The following CTSV variants were observed in gnomAD, a reference collection of about 807,000 sequenced individuals.
The protein encoded by CTSV is cathepsin V, also known as cathepsin L2.
CTSV carries 33 observed loss-of-function variants against 35.6 expected under a neutral mutation model. The ratio of observed to expected loss-of-function variants is 0.93; its 90% CI spans 0.70 to 1.24. The LOEUF is 1.24. CTSV is among the 50% of genes most tolerant of loss of function. The probability of loss-of-function intolerance (pLI) is 0.00; values close to 1 mark genes in which losing one functional copy is unlikely to be tolerated. For synonymous variants in CTSV, 154 were observed against 147.1 expected (o/e 1.05, Z -0.34); for missense variants, 408 against 413.1 (o/e 0.99, Z 0.11).
rs1404926849 is a variant in CTSV, at chr9:97,037,536, C to T, written c.206G>A (p.Gly69Glu). 1.9e-6 allele frequency: 3 copies of T among 1,614,142 alleles called. No homozygotes were observed. Among genetic ancestry groups the T allele is most frequent in the African/African-American group, 1.3e-5 (1 of 75,028 alleles). The change falls in exon 3 of 8, where the codon GGG (glycine) becomes GAG (glutamate). Residue 69 changes from glycine (G) to glutamate (E), a missense_variant. Transcript: ENST00000259470. ...CATGGCCATTGTGAAGCCATGTTTCCCTTGGCTGTATTCCCCATTGTGCAG... is the reference window on the plus strand; with the variant it reads ...CATGGCCATTGTGAAGCCATGTTTCTCTTGGCTGTATTCCCCATTGTGCAG... ...IELHNGEYSQ[G>E]KHGFTMAMNA... is the part of the protein sequence containing the mutation.
rs1240577699 is a variant in CTSV at position 97,030,899 on chromosome 9, A to C, written c.*2050T>G. The C allele has an allele frequency of 6.6e-6, 1 of 152,174 alleles. No individual in the cohort carries two copies. Among genetic ancestry groups the C allele is most frequent in the Non-Finnish European group, 1.5e-5 (1 of 68,040 alleles). 9.4% of individuals were successfully genotyped at this position (152,174 alleles called of 1,614,324 possible). A position where few individuals can be genotyped will look rare whatever the true frequency, so the allele number is the denominator to read the frequency against. Reference sequence around the variant, plus strand: ...CCAGATTTGGGGGCATATCCCCAGCAAATATTGGTTAAGTCTGTGCTTCAG... The same window carrying C: ...CCAGATTTGGGGGCATATCCCCAGCCAATATTGGTTAAGTCTGTGCTTCAG... On this transcript the variant is annotated 3_prime_UTR_variant, in exon 8 of 8. Coordinates refer to ENST00000259470, the MANE Select transcript of CTSV (RefSeq NM_001333.4).
chr9:97,036,504 G>GA lies in CTSV; in HGVS notation c.621+18dup. On this transcript the variant is annotated intron_variant, in intron 5 of 7. Transcript: ENST00000259470. ...TCCAAAAGCAGAGCACGAATGACAA[G>GA]ATAAGGAGCTCCATTTACCACTGCT... is the stretch of plus-strand genomic sequence containing the variant. 2 of 1,565,698 alleles carry GA rather than the reference G, an allele frequency of 1.3e-6. No individual in the cohort carries two copies. Among genetic ancestry groups the GA allele is most frequent in the Non-Finnish European group, 1.8e-6 (2 of 1,135,898 alleles).
chr9:97,038,573 C>A (rs1164443406), intron 1 of CTSV: 3 of 153,584 alleles, frequency 2.0e-5, no homozygotes, highest in Non-Finnish European at 2.9e-5. Flanking sequence ...ACCCACTATT[C>A]CCGCCGTCCC....
In CTSV at chr9:97,029,953, C is replaced by G. The variant is rs1828712690; in HGVS notation, c.*2996G>C. The G allele has an allele frequency of 6.6e-6, 1 of 152,228 alleles. No individual in the cohort carries two copies. The highest frequency in any genetic ancestry group is 6.5e-5 in the Admixed American group (1 of 15,290). 9.4% of individuals were successfully genotyped at this position (152,228 alleles called of 1,614,324 possible). A position where few individuals can be genotyped will look rare whatever the true frequency, so the allele number is the denominator to read the frequency against. On this transcript the variant is annotated 3_prime_UTR_variant, in exon 8 of 8. Transcript: ENST00000259470. ...GCACAGGTGCGTAGCTTAGGAGCAA[C>G]AGGCTGTACCATATAGCCTAGGTGT...
chr9:97,032,693 A>G lies in CTSV; in HGVS notation c.*256T>C, dbSNP rs1828774320. 2.8e-6 allele frequency: 1 copy of G among 361,066 alleles called. No individual in the cohort carries two copies. Among genetic ancestry groups the G allele is most frequent in the East Asian group, 4.3e-5 (1 of 23,372 alleles). The allele number at this position is 361,066 out of a possible 1,614,324, so 22.4% of individuals were successfully genotyped here. A position where few individuals can be genotyped will look rare whatever the true frequency, so the allele number is the denominator to read the frequency against. ...TAAAATTTATTTCAAACTGTTTTGT[A>G]CATCTTTTTAAAAAATGAAAATTCA... On this transcript the variant is annotated 3_prime_UTR_variant, in exon 8 of 8. Transcript: ENST00000259470.
chr9:97,033,879 T>C (rs1828800995), intron 7 of CTSV, among the ~76,000 whole-genome samples: 4 of 151,942 alleles, frequency 2.6e-5, no homozygotes, highest in African/African-American at 9.7e-5. Context: ...GCGGATCACA[T>C]GAGGTCAGTT....
At chr9:97,039,564 G>A (rs1828921348), upstream of CTSV, 1 of 152,208 alleles carries the variant, frequency 6.6e-6, no homozygotes, top group African/African-American at 2.4e-5. Context: ...CGGCAAAGGT[G>A]GGACGGAGTG....
rs1828817881 is a variant in CTSV, at chr9:97,034,796, C to T, written c.835G>A (p.Val279Ile). The change falls in exon 7 of 8, where the codon GTT (valine) becomes ATT (isoleucine). Residue 279 changes from valine to isoleucine, a missense_variant. Transcript: ENST00000259470. Reference sequence around the variant, plus strand: ...TCAAAGCCGTAGCCAACCACCAGAACACCATGATCCAGGTTTTTGCTGCTG... The same window carrying T: ...TCAAAGCCGTAGCCAACCACCAGAATACCATGATCCAGGTTTTTGCTGCTG... ...DCSSKNLDHGVLVVGYGFEGA... is the reference protein window; with the variant it reads ...DCSSKNLDHGILVVGYGFEGA... 2 of 1,614,016 alleles carry T rather than the reference C, an allele frequency of 1.2e-6. No individual in the cohort carries two copies. The highest frequency in any genetic ancestry group is 2.2e-5 in the South Asian group (2 of 91,088).
intron 1 of CTSV, chr9:97,038,452 T>TCAC (rs1828895586): frequency 6.1e-6 from 1 of 165,016 alleles, no homozygotes. Flanking sequence ...GAACACCACC[T>TCAC]CACACCTTCT....
In CTSV at chr9:97,036,672, G is replaced by A. The variant is rs757948504; in HGVS notation, c.472C>T (p.Leu158Phe). 12 of 1,613,838 alleles carry A rather than the reference G, an allele frequency of 7.4e-6. No homozygotes were observed. The highest frequency in any genetic ancestry group is 1.6e-4 in the Middle Eastern group (1 of 6,062). The change falls in exon 5 of 8, where the codon CTT becomes TTT. Residue 158 changes from leucine to phenylalanine, a missense_variant. Leu to Phe is a conservative substitution (Grantham distance 22, BLOSUM62 0). Coordinates refer to ENST00000259470, the MANE Select transcript of CTSV (RefSeq NM_001333.4). ...AGATTCTGCTCGCTCAGTGAGACAA[G>A]TTTCCCAGTTTTCCGGAACATCTGT... ...EGQMFRKTGK[L>F]VSLSEQNLVD...
Position 97,033,064 on chromosome 9 carries a change from G to A in CTSV, c.906-16C>T. 1 of 1,580,616 alleles carries A rather than the reference G, an allele frequency of 6.3e-7. No homozygotes were observed. The highest frequency in any genetic ancestry group is 8.6e-7 in the Non-Finnish European group (1 of 1,157,090). ...TGGACCCCAGCTGAAAGAGGAGCAGGTTTTCCATTTTATACAAGGAATCAA... is the reference window on the plus strand; with the variant it reads ...TGGACCCCAGCTGAAAGAGGAGCAGATTTTCCATTTTATACAAGGAATCAA... On this transcript the variant is annotated splice_polypyrimidine_tract_variant and intron_variant, in intron 7 of 7. Transcript: ENST00000259470.
rs1313130107 is a variant in CTSV at position 97,031,437 on chromosome 9, C to T, written c.*1512G>A. ...ACTGGAAACATGGGCTTTTAAAACA[C>T]ACACAGGGCTCTCCTTTAGCCTGCA... On this transcript the variant is annotated 3_prime_UTR_variant, in exon 8 of 8. Transcript: ENST00000259470. The T allele has an allele frequency of 6.6e-6, 1 of 152,176 alleles. No homozygotes were observed. Among genetic ancestry groups the T allele is most frequent in the Non-Finnish European group, 1.5e-5 (1 of 68,036 alleles). 9.4% of individuals were successfully genotyped at this position (152,176 alleles called of 1,614,324 possible). A position where few individuals can be genotyped will look rare whatever the true frequency, so the allele number is the denominator to read the frequency against.
At chr9:97,038,283 G>A (rs959550859) in intron 1 of CTSV, 7 of 406,504 alleles carry the variant, frequency 1.7e-5, no homozygotes, top group Admixed American at 1.1e-4. Flanking sequence ...GGTATGAGAA[G>A]GGTGTGAAAG....
Position 97,029,737 on chromosome 9 carries a change from G to C in CTSV, c.*3212C>G, listed in dbSNP as rs1327499786. On this transcript the variant is annotated 3_prime_UTR_variant, in exon 8 of 8. Coordinates refer to ENST00000259470, the MANE Select transcript of CTSV (RefSeq NM_001333.4). ...TTAAAAAGAGATAATGAACATTTGTGAAATTGTTTACAATTGAGATATCCA... is the reference window on the plus strand; with the variant it reads ...TTAAAAAGAGATAATGAACATTTGTCAAATTGTTTACAATTGAGATATCCA... 1 of 152,186 alleles carries C rather than the reference G, an allele frequency of 6.6e-6. No individual in the cohort carries two copies. The highest frequency in any genetic ancestry group is 1.5e-5 in the Non-Finnish European group (1 of 68,026). 9.4% of individuals were successfully genotyped at this position (152,186 alleles called of 1,614,324 possible).
upstream of CTSV, chr9:97,039,405 T>C (rs1828919033): frequency 6.6e-6 from 1 of 152,332 alleles, no homozygotes; most frequent in South Asian, 2.1e-4. Context: ...ATCTACTGAC[T>C]ATCCCGACTT....
intron 4 of CTSV, 120 bp from the exon 5 acceptor site, chr9:97,036,867 G>A: frequency 6.6e-6 from 6 of 905,944 alleles, no homozygotes; most frequent in Non-Finnish European, 9.5e-6. Context: ...CACTTTGGGA[G>A]GCCGAGGCGG....
At chr9:97,037,867 C>A (rs150792802) in intron 2 of CTSV, 51 bp downstream of exon 2, 1 of 1,601,532 alleles carries the variant, frequency 6.2e-7, no homozygotes, top group Middle Eastern at 1.7e-4. Flanking sequence ...CTCCCAACAG[C>A]GAGGACCATT....
chr9:97,035,377 A>C (rs1478694626), intron 6 of CTSV, 151 bp downstream of exon 6: 1 of 532,600 alleles, frequency 1.9e-6, no homozygotes, highest in Non-Finnish European at 3.0e-6. Context: ...AACATAACTA[A>C]GTATTTTCTC....
intron 7 of CTSV, among the ~76,000 whole-genome samples, chr9:97,034,193 AGTCTGTCCCCACATACTACCTTAT>A (rs1396842440): frequency 2.0e-5 from 3 of 152,256 alleles, no homozygotes; most frequent in African/African-American, 7.2e-5. Context: ...CCACTGTAGC[AGTCTGTCCCCACATACTACCTTAT>A]GTCACATCTC....
Sources: gnomAD v4.1 joint callset for allele counts (sites outside exome capture counted in the v4.1 genomes callset) on GRCh38, gnomAD v4.1.1 for gene constraint, MANE v1.5 for transcripts, NCBI Gene and HGNC (gene_info 2026-07-23, HGNC 2026-07-21) for gene names.